The following MYH7B variants were observed in gnomAD, a reference collection of about 807,000 sequenced individuals.
MYH7B encodes myosin-7B.
In MYH7B, 205 loss-of-function variants were observed where a neutral mutation model predicts 234.5. That is an observed-to-expected ratio of 0.87 (90% CI 0.78 to 0.98). The LOEUF (loss-of-function observed/expected upper bound fraction) is 0.98. Ranked by LOEUF, MYH7B falls within the 50% of genes least tolerant of loss-of-function variation. The pLI is 0.00. For missense variants in MYH7B, 2,652 were observed against 2,633.4 expected (o/e 1.01, Z -0.15); for synonymous variants, 1,193 against 1,105.0 (o/e 1.08, Z -1.58).
At chr20:34,978,217 A>G in intron 5 of MYH7B, 121 bp downstream of exon 5, 1 of 1,176,862 alleles carries the variant, frequency 8.5e-7, no homozygotes. Context: ...TGACAGCTGG[A>G]GCCCTGGACC....
At chr20:34,998,817 G>T in exon 35 of MYH7B, 1 of 1,613,116 alleles carries the variant, frequency 6.2e-7, no homozygotes, top group Non-Finnish European at 8.5e-7. Context: ...AGGCTGAGCT[G>T]CAGCGGCTGC....
At chr20:34,990,661 C>A in intron 22 of MYH7B, 77 bp from the exon 23 acceptor site, 1 of 1,378,826 alleles carries the variant, frequency 7.3e-7, no homozygotes, top group Non-Finnish European at 1.0e-6. Context: ...GCTCCCGTCT[C>A]GGTCCTGACC....
intron 24 of MYH7B, 30 bp downstream of exon 24, chr20:34,991,151 TC>T: frequency 6.6e-7 from 1 of 1,515,892 alleles, no homozygotes; most frequent in Non-Finnish European, 9.1e-7. Flanking sequence ...TGCCTGCTGC[TC>T]CAGGTGGAGG....
At chr20:34,965,167 C>T (rs575634617) in intron 2 of MYH7B, among the ~76,000 whole-genome samples, 238 of 152,284 alleles carry the variant, frequency 1.6e-3, no homozygotes, top group African/African-American at 5.5e-3. Flanking sequence ...ACTGGGATTA[C>T]AGGCATGAGC....
In MYH7B at chr20:34,979,816, G is replaced by A. The variant is rs751000035; in HGVS notation, c.342+12G>A. Reference sequence around the variant, plus strand: ...GCTGGATGATCTATGTGAGCCCCAGGCCCGGGCCATGGGCGGGGTGGGGCT... The same window carrying A: ...GCTGGATGATCTATGTGAGCCCCAGACCCGGGCCATGGGCGGGGTGGGGCT... On this transcript the variant is annotated intron_variant, in intron 7 of 44. Coordinates refer to ENST00000262873, the Ensembl canonical transcript of MYH7B. The A allele has an allele frequency of 2.0e-5, 33 of 1,611,232 alleles. No homozygotes were observed. Among genetic ancestry groups the A allele is most frequent in the Non-Finnish European group, 2.5e-5 (29 of 1,178,796 alleles).
chr20:34,981,570 G>T (rs2081941507), intron 9 of MYH7B: 1 of 154,948 alleles, frequency 6.5e-6, no homozygotes. Flanking sequence ...AAGTGCCTTG[G>T]CCGGGCACAG....
At chr20:34,994,476 C>A (rs73905030) in intron 27 of MYH7B, 75 bp downstream of exon 27, 154,591 of 1,468,192 alleles carry the variant, frequency 0.11, 9,265 homozygotes, top group African/African-American at 0.24. Context: ...GATAGTACAG[C>A]GAGACCCATG....
intron 32 of MYH7B, 91 bp from the exon 33 acceptor site, chr20:34,998,204 A>G (rs1340281622): frequency 1.4e-6 from 2 of 1,473,918 alleles, no homozygotes; most frequent in East Asian, 2.3e-5. Context: ...CATCTAGCTT[A>G]CCAGTCTCTG....
chr20:34,994,266 G>C (rs376844354), exon 27 of MYH7B: 1 of 1,612,896 alleles, frequency 6.2e-7, no homozygotes, highest in South Asian at 1.1e-5. Flanking sequence ...CTGAGGAGGA[G>C]CTGGCGGCCC....
chr20:34,980,880 G>T, intron 8 of MYH7B, 146 bp downstream of exon 8: 2 of 1,482,284 alleles, frequency 1.3e-6, no homozygotes, highest in South Asian at 1.2e-5. Flanking sequence ...CCCTCCGCAT[G>T]GGAGCTGACC....
rs143450878 is a variant in MYH7B at position 34,994,577 on chromosome 20, C to T, written c.2700+176C>T. Among the ~76,000 whole-genome samples, 710 of 152,316 alleles carry T rather than the reference C, an allele frequency of 4.7e-3. 9 individuals are homozygous for T. Among genetic ancestry groups the T allele is most frequent in the African/African-American group, 0.017 (687 of 41,566 alleles). On this transcript the variant is annotated intron_variant, in intron 27 of 44. Transcript: ENST00000262873. ...CACCACCCCAAGGCCTCGTCTGGCA[C>T]GTTTCCTGGCACTCTCCCCTCGTGC...
chr20:34,990,511 G>C (rs2082124983), intron 22 of MYH7B: 2 of 863,194 alleles, frequency 2.3e-6, no homozygotes, highest in Middle Eastern at 4.4e-4. Context: ...TGGGGAAGGG[G>C]TGGGAGCCCT....
At position 34,982,517 on chromosome 20, in the gene MYH7B, A is replaced by G. The variant is rs748644297; in HGVS notation, c.586A>G (p.Ile196Val). The G allele has an allele frequency of 2.5e-6, 4 of 1,612,032 alleles. No homozygotes were observed. Among genetic ancestry groups the G allele is most frequent in the Admixed American group, 1.7e-5 (1 of 59,850 alleles). Residue 196 changes from isoleucine (I) to valine (V), a missense_variant, in exon 10 of 45, where the codon ATC becomes GTC. Transcript: ENST00000262873. ...CAAGCGGGTCATTCAGTACTTTGCC[A>G]TCGTCGCTGCCCTGGGAGACGGGCC...
chr20:34,974,971 A>G (rs73272745), intron 2 of MYH7B, among the ~76,000 whole-genome samples: 1 of 152,204 alleles, frequency 6.6e-6, no homozygotes, highest in Non-Finnish European at 1.5e-5. Context: ...AGGTTCTCAC[A>G]GAGACAATGC....
At chr20:35,002,248 ACCTGCCCCGAT>A in exon 45 of MYH7B, 2 of 1,493,260 alleles carry the variant, frequency 1.3e-6, no homozygotes, top group Non-Finnish European at 1.8e-6. Context: ...GGCTGAGGCC[ACCTGCCCCGAT>A]CCTGCCATCT....
intron 2 of MYH7B, among the ~76,000 whole-genome samples, chr20:34,967,868 G>A (rs544046439): frequency 6.6e-6 from 1 of 152,302 alleles, no homozygotes; most frequent in East Asian, 1.9e-4. Context: ...CAGGATTTGT[G>A]GGGTGGTTTT....
chr20:34,975,373 TTTTG>T (rs898011861), intron 2 of MYH7B, 23 bp from the exon 3 acceptor site: 133 of 575,944 alleles, frequency 2.3e-4, no homozygotes, highest in South Asian at 6.4e-4. Flanking sequence ...CCTGGCTAAT[TTTTG>T]TTTGTTTGTT....
At chr20:34,999,166 A>C in exon 36 of MYH7B, 1 of 1,613,734 alleles carries the variant, frequency 6.2e-7, no homozygotes, top group Non-Finnish European at 8.5e-7. Flanking sequence ...GAGTCAGAGG[A>C]TGTAACCCTG....
exon 44 of MYH7B, chr20:35,002,003 A>T (rs2082398268): frequency 6.2e-7 from 1 of 1,614,080 alleles, no homozygotes; most frequent in African/African-American, 1.3e-5. Flanking sequence ...CACGAGCTGG[A>T]TGATGCGGAG....
Sources: gnomAD v4.1 joint callset for allele counts (sites outside exome capture counted in the v4.1 genomes callset) on GRCh38, gnomAD v4.1.1 for gene constraint, MANE v1.5 for transcripts, NCBI Gene and HGNC (gene_info 2026-07-23, HGNC 2026-07-21) for gene names.